OSTM1: variants seen among roughly 807,000 people sequenced by gnomAD.
OSTM1 encodes osteoclastogenesis associated transmembrane protein 1, also known as osteopetrosis-associated transmembrane protein 1.
Under a neutral mutation model 35.4 loss-of-function variants are expected in OSTM1, and 26 were observed. That is an observed-to-expected ratio of 0.73 (90% CI 0.54 to 1.02). The LOEUF (loss-of-function observed/expected upper bound fraction) is 1.02. OSTM1 is among the 50% of genes least tolerant of loss of function. The pLI is 0.00. For synonymous variants in OSTM1, 181 were observed against 165.0 expected, an observed-to-expected ratio of 1.10 and a Z score of -0.75; for missense variants, 366 against 409.6, an observed-to-expected ratio of 0.89 and a Z score of 0.92.
chr6:108,049,613 T>G, intron 4 of OSTM1, 195 bp from the exon 5 acceptor site: 1 of 1,337,952 alleles, frequency 7.5e-7, no homozygotes, highest in Non-Finnish European at 9.8e-7. Context: ...TTGTAGAAAT[T>G]TATATCCATA....
In OSTM1 at chr6:108,043,028, C is replaced by G. The variant is rs899149369; in HGVS notation, c.*1757G>C. The G allele has an allele frequency of 3.3e-5, 5 of 152,110 alleles. No homozygotes were observed. Among genetic ancestry groups the G allele is most frequent in the Non-Finnish European group, 7.4e-5 (5 of 68,020 alleles). 9.4% of individuals were successfully genotyped at this position (152,110 alleles called of 1,614,324 possible). ...CTAGGTCTAAAGAGCAATGACTCAA[C>G]CAGAAAAAATAGTAAAGGCTGCCTT... On this transcript the variant is annotated 3_prime_UTR_variant, in exon 6 of 6. Transcript: ENST00000193322.
intron 3 of OSTM1, among the ~76,000 whole-genome samples, chr6:108,054,097 A>G (rs1024728044): frequency 6.6e-6 from 1 of 152,262 alleles, no homozygotes; most frequent in African/African-American, 2.4e-5. Flanking sequence ...AACATACTTA[A>G]GCAAATTTCA....
chr6:108,044,937 T>A, intron 5 of OSTM1, 97 bp from the exon 6 acceptor site: 1 of 608,214 alleles, frequency 1.6e-6, no homozygotes, highest in Non-Finnish European at 2.7e-6. Context: ...ATCTATTAAT[T>A]CTATGTTTGA....
chr6:108,049,559 C>T, intron 4 of OSTM1, 141 bp from the exon 5 acceptor site: 8 of 1,460,414 alleles, frequency 5.5e-6, no homozygotes, highest in Non-Finnish European at 7.2e-6. Context: ...TAGTTGAGGA[C>T]AACTTCTTCT....
chr6:108,049,424 A>G lies in OSTM1; in HGVS notation c.784-6T>C, dbSNP rs1164370487. 6.2e-7 allele frequency: 1 copy of G among 1,612,728 alleles called. No homozygotes were observed. Among genetic ancestry groups the G allele is most frequent in the East Asian group, 2.2e-5 (1 of 44,844 alleles). On this transcript the variant is annotated splice_region_variant and splice_polypyrimidine_tract_variant and intron_variant, in intron 4 of 5. Transcript: ENST00000193322. ...AGTTTTCGAGTGATGTTCATCTGGA[A>G]CAAGAGCAAACAATATCTTTCTATT...
intron 1 of OSTM1, among the ~76,000 whole-genome samples, chr6:108,067,887 C>T (rs1324127335): frequency 1.3e-5 from 2 of 150,438 alleles, no homozygotes; most frequent in East Asian, 3.9e-4. Flanking sequence ...CTCTGAGTCC[C>T]ACATTGCTCT....
chr6:108,072,134 G>A (rs1315262547), intron 1 of OSTM1, among the ~76,000 whole-genome samples: 1 of 152,118 alleles, frequency 6.6e-6, no homozygotes, highest in Non-Finnish European at 1.5e-5. Flanking sequence ...AATAGCCCTT[G>A]TTCTTTAGAG....
At chr6:108,045,266 C>T (rs145539698) in intron 5 of OSTM1, among the ~76,000 whole-genome samples, 21 of 152,080 alleles carry the variant, frequency 1.4e-4, no homozygotes, top group Non-Finnish European at 2.9e-4. Context: ...AGAGCATGTA[C>T]AAAGATTCTA....
chr6:108,072,881 C>T (rs1772510713), intron 1 of OSTM1, among the ~76,000 whole-genome samples: 1 of 152,152 alleles, frequency 6.6e-6, no homozygotes, highest in Non-Finnish European at 1.5e-5. Context: ...CCTCAGCTTC[C>T]CGAGTAGCTG....
Position 108,054,526 on chromosome 6 carries a change from A to G in OSTM1, c.579T>C (p.Phe193=), listed in dbSNP as rs1562371897. ...GTTCAAAGCAGGTCAGGGTGTGATT[A>G]AATAGATTAAGGAAATATACTGTGC... The part of the protein sequence containing the change: ...SNSTVYFLNL[F]NHTLTCFEHN... The change falls in exon 3 of 6, where the codon TTT becomes TTC. Residue 193 remains phenylalanine (F), a synonymous_variant. Coordinates refer to ENST00000193322, the MANE Select transcript of OSTM1 (RefSeq NM_014028.4). 1 of 1,562,038 alleles carries G rather than the reference A, an allele frequency of 6.4e-7. No individual in the cohort carries two copies. Among genetic ancestry groups the G allele is most frequent in the African/African-American group, 1.3e-5 (1 of 74,092 alleles).
intron 5 of OSTM1, among the ~76,000 whole-genome samples, chr6:108,046,347 C>CT (rs780366857): frequency 0.05 from 5,827 of 116,084 alleles, 370 homozygotes; most frequent in Admixed American, 0.21. Flanking sequence ...TCTTTTTTTT[C>CT]TTTTTTTTTT....
chr6:108,058,143 C>T (rs1008448765), intron 2 of OSTM1, among the ~76,000 whole-genome samples: 1 of 149,726 alleles, frequency 6.7e-6, no homozygotes, highest in Non-Finnish European at 1.5e-5. Context: ...CTCCAATGTG[C>T]CTGGCCTCAA....
chr6:108,049,346 T>C lies in OSTM1; in HGVS notation c.856A>G (p.Ile286Val). The C allele has an allele frequency of 1.2e-6, 2 of 1,613,164 alleles. No individual in the cohort carries two copies. Among genetic ancestry groups the C allele is most frequent in the Non-Finnish European group, 8.5e-7 (1 of 1,179,196 alleles). The change falls in exon 5 of 6, where the codon ATT (isoleucine) becomes GTT (valine). Residue 286 changes from isoleucine to valine, a missense_variant. Around this residue, in one of 3 missense-constraint regions of OSTM1, gnomAD observed 125 missense variants for 151.7 expected, o/e 0.82. Coordinates refer to ENST00000193322, the MANE Select transcript of OSTM1 (RefSeq NM_014028.4). Reference protein sequence around the residue: ...SVPCSDTVPVIAVSVFILFLP... With the variant: ...SVPCSDTVPVVAVSVFILFLP... Reference sequence around the variant, plus strand: ...AAGAGAATGAACACAGAAACAGCAATTACAGGCACTGTGTCACTGCAAGGG... The same window carrying C: ...AAGAGAATGAACACAGAAACAGCAACTACAGGCACTGTGTCACTGCAAGGG...
At chr6:108,051,344 ACT>A in intron 3 of OSTM1, 146 bp from the exon 4 acceptor site, 1 of 627,404 alleles carries the variant, frequency 1.6e-6, no homozygotes, top group Non-Finnish European at 2.8e-6. Context: ...TTACTAAATC[ACT>A]CTGAGTCTCA....
At chr6:108,065,296 G>T (rs866167623) in intron 1 of OSTM1, among the ~76,000 whole-genome samples, 1 of 147,312 alleles carries the variant, frequency 6.8e-6, no homozygotes, top group African/African-American at 2.5e-5. Flanking sequence ...CTGGAGTGCA[G>T]TGACGCAATC....
At chr6:108,065,794 G>A (rs1435328195) in intron 1 of OSTM1, among the ~76,000 whole-genome samples, 5 of 152,182 alleles carry the variant, frequency 3.3e-5, no homozygotes. Context: ...AGTTGGATAA[G>A]TGTCATTAGT....
rs141384388 is a variant in OSTM1 at position 108,070,227 on chromosome 6, C to T, written c.402+4023G>A. Among the ~76,000 whole-genome samples, 1,103 of 151,998 alleles carry T rather than the reference C, an allele frequency of 7.3e-3. 46 individuals carry two copies. Among genetic ancestry groups the T allele is most frequent in the Admixed American group, 0.065 (996 of 15,270 alleles). On this transcript the variant is annotated intron_variant, in intron 1 of 5. Transcript: ENST00000193322. ...TAATTTTTTATATTTTTAGTAGAGACGGGGTTTTGCCATGTTGGCTAGGCT... is the reference window on the plus strand; with the variant it reads ...TAATTTTTTATATTTTTAGTAGAGATGGGGTTTTGCCATGTTGGCTAGGCT...
chr6:108,046,968 A>AGTGGG (rs1771987611), intron 5 of OSTM1, among the ~76,000 whole-genome samples: 1 of 152,198 alleles, frequency 6.6e-6, no homozygotes, highest in African/African-American at 2.4e-5. Flanking sequence ...ATAAATCCCC[A>AGTGGG]CATCCTTTAA....
chr6:108,042,009 A>C lies in OSTM1; in HGVS notation c.*2776T>G, dbSNP rs1488131465. ...TTTGATGTCATGTCTTTGGCCAGGA[A>C]TGCAATCCTAATTAGCATTGTTCCA... On this transcript the variant is annotated 3_prime_UTR_variant, in exon 6 of 6. Coordinates refer to ENST00000193322, the MANE Select transcript of OSTM1 (RefSeq NM_014028.4). 1 of 152,202 alleles carries C rather than the reference A, an allele frequency of 6.6e-6. No homozygotes were observed. The highest frequency in any genetic ancestry group is 2.4e-5 in the African/African-American group (1 of 41,444). The allele number at this position is 152,202 out of a possible 1,614,324, so 9.4% of individuals were successfully genotyped here.
Sources: gnomAD v4.1 joint callset for allele counts (sites outside exome capture counted in the v4.1 genomes callset) on GRCh38, gnomAD v4.1.1 for gene constraint, gnomAD v4.1.1 regional missense constraint, MANE v1.5 for transcripts, NCBI Gene and HGNC (gene_info 2026-07-23, HGNC 2026-07-21) for gene names.